The following AAGAB variants were observed in gnomAD, a reference collection of about 807,000 sequenced individuals.
The protein encoded by AAGAB is alpha- and gamma-adaptin-binding protein p34.
Under a neutral mutation model 44.1 loss-of-function variants are expected in AAGAB, and 38 were observed. That is an observed-to-expected ratio of 0.86 (90% CI 0.67 to 1.13). The LOEUF (loss-of-function observed/expected upper bound fraction) is 1.13, where lower values mean the gene tolerates loss of function less well. Among genes scored for constraint, AAGAB ranks in the 50% most tolerant of loss-of-function variants. AAGAB has a pLI of 0.00. For synonymous variants in AAGAB, 131 were observed against 131.8 expected, an observed-to-expected ratio of 0.99 and a Z score of 0.04; for missense variants, 450 against 373.8, an observed-to-expected ratio of 1.20 and a Z score of -1.68.
At chr15:67,219,873 C>T (rs1425546571) in intron 5 of AAGAB, among the ~76,000 whole-genome samples, 1 of 152,148 alleles carries the variant, frequency 6.6e-6, no homozygotes, top group Non-Finnish European at 1.5e-5. Context: ...TTAAAAATCT[C>T]TTTCTAGAAT....
rs142222692 is a variant in AAGAB, at chr15:67,251,230, G to GTGTC, written c.73+3328_73+3329insGACA. ...ATTTTAAGTGCGTGTGTGTGTGTGT[G>GTGTC]TGTGTCTGTGTGTGTGTGTGTGTGT... On this transcript the variant is annotated intron_variant, in intron 1 of 9. Transcript: ENST00000261880. 1.7e-3 allele frequency among the ~76,000 whole-genome samples: 221 copies of GTGTC among 129,048 alleles called. 2 individuals carry two copies. The highest frequency in any genetic ancestry group is 4.9e-3 in the African/African-American group (188 of 38,318). 84.7% of individuals were successfully genotyped at this position (129,048 alleles called of 152,430 possible).
intron 7 of AAGAB, among the ~76,000 whole-genome samples, chr15:67,205,445 C>T (rs1033319194): frequency 2.6e-5 from 4 of 152,112 alleles, no homozygotes; most frequent in African/African-American, 9.7e-5. Context: ...CAGAATCACT[C>T]CATGCCTAAA....
At chr15:67,225,909 A>G (rs1056217080) in intron 5 of AAGAB, among the ~76,000 whole-genome samples, 1 of 152,142 alleles carries the variant, frequency 6.6e-6, no homozygotes, top group South Asian at 2.1e-4. Context: ...GCTGGGTCAT[A>G]TGGTAATTCT....
chr15:67,223,555 T>C (rs1483356337), intron 5 of AAGAB, among the ~76,000 whole-genome samples: 1 of 152,132 alleles, frequency 6.6e-6, no homozygotes, highest in Non-Finnish European at 1.5e-5. Context: ...ACCCCTTTCA[T>C]TGCCCCAGCC....
chr15:67,223,328 A>T (rs1382203086), intron 5 of AAGAB, among the ~76,000 whole-genome samples: 1 of 152,062 alleles, frequency 6.6e-6, no homozygotes, highest in Non-Finnish European at 1.5e-5. Context: ...GCCATGTCAA[A>T]CTCAACATGT....
intron 5 of AAGAB, among the ~76,000 whole-genome samples, chr15:67,221,507 C>A (rs1964063840): frequency 6.6e-6 from 1 of 152,180 alleles, no homozygotes; most frequent in Non-Finnish European, 1.5e-5. Context: ...GCTATAGAAG[C>A]CATTCCTGTA....
Position 67,201,245 on chromosome 15 carries a change from G to A in AAGAB, c.*1576C>T, listed in dbSNP as rs762848322. On this transcript the variant is annotated 3_prime_UTR_variant, in exon 10 of 10. Transcript: ENST00000261880. ...AATCACCTCAAAGAAACACTGATGG[G>A]CTGGTGGTGAACCACAGACTCAAAG... is the stretch of plus-strand genomic sequence containing the variant. The A allele has an allele frequency of 6.7e-6, 1 of 149,224 alleles. No individual in the cohort carries two copies. Among genetic ancestry groups the A allele is most frequent in the Non-Finnish European group, 1.5e-5 (1 of 67,546 alleles). 9.2% of individuals were successfully genotyped at this position (149,224 alleles called of 1,614,324 possible). A position where few individuals can be genotyped will look rare whatever the true frequency, so the allele number is the denominator to read the frequency against.
At chr15:67,216,591 A>G (rs931456743) in intron 5 of AAGAB, among the ~76,000 whole-genome samples, 3 of 151,444 alleles carry the variant, frequency 2.0e-5, no homozygotes, top group Non-Finnish European at 4.4e-5. Flanking sequence ...TGAACTAAAC[A>G]TCAGAGTGAG....
chr15:67,236,747 A>C lies in AAGAB; in HGVS notation c.147T>G (p.Ile49Met). ...NDAVRFYPWTIDNKYYSADIN... is the reference protein window; with the variant it reads ...NDAVRFYPWTMDNKYYSADIN... The stretch of plus-strand genomic sequence containing the variant: ...TGTCTGCTGAATAGTATTTATTATC[A>C]ATGGTCCAGGGATAAAATCTCACAG... Residue 49 changes from isoleucine to methionine, a missense_variant, in exon 2 of 10, where the codon ATT becomes ATG. Ile to Met is a conservative substitution (Grantham distance 10, BLOSUM62 1). Transcript: ENST00000261880. 1 of 1,613,308 alleles carries C rather than the reference A, an allele frequency of 6.2e-7. No individual in the cohort carries two copies. The highest frequency in any genetic ancestry group is 8.5e-7 in the Non-Finnish European group (1 of 1,179,446).
At chr15:67,214,862 A>G (rs1256493433) in intron 5 of AAGAB, among the ~76,000 whole-genome samples, 2 of 151,770 alleles carry the variant, frequency 1.3e-5, no homozygotes, top group South Asian at 2.1e-4. Flanking sequence ...GGATGGTCTC[A>G]ATCTCCTGAC....
At chr15:67,237,597 T>C (rs969830597) in intron 1 of AAGAB, among the ~76,000 whole-genome samples, 8 of 152,200 alleles carry the variant, frequency 5.3e-5, no homozygotes, top group Admixed American at 1.3e-4. Flanking sequence ...TATGGAGCCA[T>C]GGAAGCATTT....
chr15:67,251,217 T>C (rs1278810639), intron 1 of AAGAB, among the ~76,000 whole-genome samples: 1 of 143,770 alleles, frequency 7.0e-6, no homozygotes, highest in Non-Finnish European at 1.5e-5. Flanking sequence ...TTTAAGTGCG[T>C]GTGTGTGTGT....
At chr15:67,210,880 G>A (rs965604697) in intron 5 of AAGAB, among the ~76,000 whole-genome samples, 4 of 152,152 alleles carry the variant, frequency 2.6e-5, no homozygotes, top group Non-Finnish European at 5.9e-5. Context: ...AAGAGTAACA[G>A]TACAGAAGTC....
intron 5 of AAGAB, among the ~76,000 whole-genome samples, chr15:67,222,244 A>ACG (rs1567021003): frequency 0.023 from 593 of 25,748 alleles, 3 homozygotes; most frequent in Non-Finnish European, 0.04. Context: ...GCGCGCGCGC[A>ACG]CACACACACA....
At chr15:67,210,445 G>C (rs1385612853) in intron 5 of AAGAB, among the ~76,000 whole-genome samples, 1 of 151,788 alleles carries the variant, frequency 6.6e-6, no homozygotes, top group Non-Finnish European at 1.5e-5. Flanking sequence ...GAACCCAGGA[G>C]GCAGAGGTTG....
chr15:67,236,540 G>A, intron 2 of AAGAB, 36 bp from the exon 3 acceptor site: 3 of 1,608,000 alleles, frequency 1.9e-6, no homozygotes, highest in Non-Finnish European at 2.6e-6. Flanking sequence ...AACAAAAACA[G>A]AAAAGAGATA....
upstream of AAGAB, chr15:67,254,829 G>C (rs1019636309): frequency 6.5e-7 from 1 of 1,528,218 alleles, no homozygotes; most frequent in Admixed American, 1.8e-5. Flanking sequence ...GGGACGAGCG[G>C]CTCCGGCTGA....
chr15:67,219,249 G>A lies in AAGAB; in HGVS notation c.536-9705C>T, dbSNP rs1439562969. ...GAAATATTAATACTACAGATACACT[G>A]TATATGTGTTTATGTATTGCACATT... On this transcript the variant is annotated intron_variant, in intron 5 of 9. Transcript: ENST00000261880. Among the ~76,000 whole-genome samples the A allele has an allele frequency of 3.9e-5, 6 of 152,238 alleles. No individual in the cohort carries two copies. The South Asian group carries it at 6.2e-4, about 16-fold the overall frequency.
At chr15:67,252,855 T>C (rs1051868133) in intron 1 of AAGAB, among the ~76,000 whole-genome samples, 27 of 152,202 alleles carry the variant, frequency 1.8e-4, no homozygotes, top group African/African-American at 5.5e-4. Flanking sequence ...TGAAGGGACA[T>C]CTTACCTAAT....
Sources: allele counts gnomAD v4.1 joint callset (sites outside exome capture counted in the v4.1 genomes callset), GRCh38; gene constraint gnomAD v4.1.1; transcripts MANE v1.5; gene names NCBI Gene and HGNC (gene_info 2026-07-23, HGNC 2026-07-21).